Variants in INO80 observed in about 807,000 individuals in gnomAD.
INO80 encodes INO80 complex ATPase subunit.
Under a neutral mutation model 203.4 loss-of-function variants are expected in INO80, and 20 were observed. The observed-to-expected ratio is 0.10, with a 90% CI of 0.07 to 0.14. INO80 has a LOEUF of 0.14. Among genes scored for constraint, INO80 ranks in the 10% least tolerant of loss-of-function variants. The probability of loss-of-function intolerance (pLI) is 1.00; values close to 1 mark genes in which losing one functional copy is unlikely to be tolerated. For synonymous variants in INO80, 726 were observed against 685.2 expected, an observed-to-expected ratio of 1.06 and a Z score of -0.93; for missense variants, 1,419 against 1,914.4, an observed-to-expected ratio of 0.74 and a Z score of 4.83.
chr15:41,063,627 A>G (rs188470652), intron 14 of INO80, among the ~76,000 whole-genome samples: 80 of 152,118 alleles, frequency 5.3e-4, no homozygotes, highest in Admixed American at 4.1e-3. Flanking sequence ...TACAAAAATT[A>G]GCCGGGCGTG....
intron 9 of INO80, among the ~76,000 whole-genome samples, chr15:41,077,903 CTT>C (rs555381572): frequency 8.6e-5 from 12 of 139,204 alleles, no homozygotes; most frequent in African/African-American, 1.3e-4. Context: ...AGAATAACAT[CTT>C]TTTTTTTTTT....
At chr15:41,061,306 A>T (rs1007677760) in intron 14 of INO80, among the ~76,000 whole-genome samples, 2 of 151,754 alleles carry the variant, frequency 1.3e-5, no homozygotes, top group African/African-American at 4.8e-5. Flanking sequence ...TTTCAAAAAA[A>T]TAAATAAATA....
chr15:41,075,812 G>C (rs920267040), intron 9 of INO80, among the ~76,000 whole-genome samples: 1 of 151,686 alleles, frequency 6.6e-6, no homozygotes, highest in Non-Finnish European at 1.5e-5. Context: ...GGCTGGTCTC[G>C]AACTCCTGAC....
intron 1 of INO80, among the ~76,000 whole-genome samples, chr15:41,111,249 C>G (rs2045954176): frequency 6.6e-6 from 1 of 152,060 alleles, no homozygotes; most frequent in Admixed American, 6.6e-5. Context: ...AGTTCCAGAT[C>G]AGCCTGGTCA....
At chr15:41,042,065 G>A (rs867408101) in intron 24 of INO80, among the ~76,000 whole-genome samples, 8 of 150,162 alleles carry the variant, frequency 5.3e-5, no homozygotes, top group Admixed American at 6.7e-5. Flanking sequence ...CCAGGCTGGA[G>A]TGCAGGTGCA....
intron 14 of INO80, among the ~76,000 whole-genome samples, chr15:41,061,037 T>C (rs1263673417): frequency 6.6e-6 from 1 of 152,180 alleles, no homozygotes; most frequent in Non-Finnish European, 1.5e-5. Context: ...CCAGGAGTAG[T>C]GGCTCATGCC....
intron 19 of INO80, among the ~76,000 whole-genome samples, chr15:41,052,667 T>A (rs2044896630): frequency 7.5e-6 from 1 of 133,342 alleles, no homozygotes; most frequent in Non-Finnish European, 1.5e-5. Context: ...AGCGAGCCCT[T>A]GTCTTACAAA....
At chr15:41,011,681 G>T (rs2044135761) in intron 27 of INO80, 1 of 151,740 alleles carries the variant, frequency 6.6e-6, no homozygotes, top group African/African-American at 2.4e-5. Context: ...TTCATTCCAT[G>T]GGGCATTTTC....
chr15:40,990,792 C>T (rs1443293148), intron 29 of INO80, among the ~76,000 whole-genome samples: 1 of 152,176 alleles, frequency 6.6e-6, no homozygotes, highest in African/African-American at 2.4e-5. Flanking sequence ...GAGAACAGAG[C>T]TAACAAAAGT....
chr15:41,022,277 G>A (rs1390366553), intron 25 of INO80, among the ~76,000 whole-genome samples: 5 of 152,172 alleles, frequency 3.3e-5, no homozygotes, highest in Non-Finnish European at 7.3e-5. Context: ...ATAAAACACC[G>A]GCTGTATCTA....
At chr15:41,031,973 C>CACAGGACAGG (rs1566919553) in intron 24 of INO80, among the ~76,000 whole-genome samples, 7 of 83,602 alleles carry the variant, frequency 8.4e-5, no homozygotes, top group Non-Finnish European at 1.0e-4. Flanking sequence ...GACAGCACAG[C>CACAGGACAGG]ACAGCACAGC....
At chr15:41,041,832 T>TC (rs1053293953) in intron 24 of INO80, among the ~76,000 whole-genome samples, 1 of 133,878 alleles carries the variant, frequency 7.5e-6, no homozygotes, top group Admixed American at 8.6e-5. Context: ...AGGAAAGATT[T>TC]CCTTTTTTTT....
intron 12 of INO80, 57 bp from the exon 13 acceptor site, chr15:41,070,604 C>G: frequency 7.1e-7 from 1 of 1,402,940 alleles, no homozygotes; most frequent in South Asian, 1.2e-5. Flanking sequence ...TAAAGTTCAA[C>G]CTGTTACCAA....
rs185558602 is a variant in INO80 at position 41,073,320 on chromosome 15, T to C, written c.1395+108A>G. Reference sequence around the variant, plus strand: ...ACACACATATACACAAGCTAGTCTATGCTTTTAATTGCAAATGTGATTAAG... The same window carrying C: ...ACACACATATACACAAGCTAGTCTACGCTTTTAATTGCAAATGTGATTAAG... On this transcript the variant is annotated intron_variant, in intron 11 of 35. Coordinates refer to ENST00000648947, the MANE Select transcript of INO80 (RefSeq NM_017553.3). 1.7e-4 allele frequency: 155 copies of C among 927,016 alleles called. 1 individual carries two copies. In the African/African-American group the frequency reaches 2.2e-3, roughly 13 times the overall value. The allele number at this position is 927,016 out of a possible 1,614,324, so 57.4% of individuals were successfully genotyped here.
intron 1 of INO80, among the ~76,000 whole-genome samples, chr15:41,105,553 C>A (rs2045868862): frequency 6.6e-6 from 1 of 152,172 alleles, no homozygotes; most frequent in Non-Finnish European, 1.5e-5. Flanking sequence ...AGTGTGACTT[C>A]AAAGCCCCAC....
At chr15:41,016,989 CT>C (rs79870702) in intron 26 of INO80, 397 of 145,808 alleles carry the variant, frequency 2.7e-3, no homozygotes, top group Middle Eastern at 3.5e-3. Context: ...CCCCCCTACC[CT>C]TTTTTTTTTT....
intron 14 of INO80, among the ~76,000 whole-genome samples, chr15:41,063,022 C>T (rs890082245): frequency 1.1e-4 from 17 of 152,206 alleles, no homozygotes; most frequent in African/African-American, 1.9e-4. Flanking sequence ...ATCTCCTGAG[C>T]GCTGTCATGG....
chr15:41,083,436 T>C (rs1434690748), intron 7 of INO80, among the ~76,000 whole-genome samples: 1 of 152,122 alleles, frequency 6.6e-6, no homozygotes, highest in African/African-American at 2.4e-5. Context: ...TTGGGCATGG[T>C]GGCTCACACC....
rs370801811 is a variant in INO80, at chr15:41,050,113, A to G, written c.2275-11T>C. ...CATTAGAATCTCAATCTAAAAATCA[A>G]TAAGAACATTTATATTTGGAAAAGT... is the stretch of plus-strand genomic sequence containing the variant. On this transcript the variant is annotated splice_polypyrimidine_tract_variant and intron_variant, in intron 19 of 35. Transcript: ENST00000648947. 70 of 1,589,092 alleles carry G rather than the reference A, an allele frequency of 4.4e-5. No individual in the cohort carries two copies. Among genetic ancestry groups the G allele is most frequent in the African/African-American group, 2.6e-4 (19 of 74,260 alleles).
Sources: gnomAD v4.1 joint callset for allele counts (sites outside exome capture counted in the v4.1 genomes callset) on GRCh38, gnomAD v4.1.1 for gene constraint, MANE v1.5 for transcripts, NCBI Gene and HGNC (gene_info 2026-07-23, HGNC 2026-07-21) for gene names.